Variants in RBFOX1 observed in about 807,000 individuals in gnomAD.
The protein encoded by RBFOX1 is RNA binding fox-1 homolog 1.
A neutral mutation model predicts 57.7 loss-of-function variants in RBFOX1; 8 were observed. That is an observed-to-expected ratio of 0.14 (90% CI 0.08 to 0.25). RBFOX1 has a LOEUF of 0.25. RBFOX1 is among the 10% of genes least tolerant of loss of function. RBFOX1 has a pLI of 1.00. For synonymous variants in RBFOX1, 326 were observed against 222.4 expected, an observed-to-expected ratio of 1.47 and a Z score of -4.15; for missense variants, 611 against 548.5, an observed-to-expected ratio of 1.11 and a Z score of -1.14.
At chr16:7,035,095 G>T (rs774615064) in intron 3 of RBFOX1, among the ~76,000 whole-genome samples, 2 of 151,744 alleles carry the variant, frequency 1.3e-5, no homozygotes, top group East Asian at 3.9e-4. Context: ...TGATCCACCC[G>T]TCTTGGCCTC....
intron 1 of RBFOX1, among the ~76,000 whole-genome samples, chr16:6,102,485 TC>T (rs1231723128): frequency 1.3e-5 from 2 of 152,144 alleles, no homozygotes; most frequent in Admixed American, 1.3e-4. Context: ...GCTGAGGACA[TC>T]TTTCTCTGCA....
At chr16:5,585,040 T>A (rs905869902) in intron 2 of RBFOX1, among the ~76,000 whole-genome samples, 1 of 152,150 alleles carries the variant, frequency 6.6e-6, no homozygotes, top group Non-Finnish European at 1.5e-5. Flanking sequence ...AATTAACCAT[T>A]TTGGAGTTAA....
rs776254722 is a variant in RBFOX1, at chr16:5,871,012, C to T, written c.351+3677C>T. 7.0e-4 allele frequency among the ~76,000 whole-genome samples: 106 copies of T among 152,318 alleles called. 1 individual carries two copies. The highest frequency in any genetic ancestry group is 3.4e-3 in the Middle Eastern group (1 of 294). ...ATGAGTGGCTTTGCCAGTTCCCTTT[C>T]TCTCTGCAGATTGACAGTGAATATG... On this transcript the variant is annotated intron_variant, in intron 4 of 19. Transcript: ENST00000641259.
At chr16:7,444,888 A>G (rs2098796470) in intron 4 of RBFOX1, among the ~76,000 whole-genome samples, 1 of 152,190 alleles carries the variant, frequency 6.6e-6, no homozygotes, top group Non-Finnish European at 1.5e-5. Context: ...ATGCAGATAG[A>G]TAGACAGTTA....
intron 3 of RBFOX1, among the ~76,000 whole-genome samples, chr16:6,785,109 T>G (rs2081707387): frequency 6.6e-6 from 1 of 152,126 alleles, no homozygotes; most frequent in Admixed American, 6.5e-5. Context: ...TCATGGTTCC[T>G]TCCAAAAATA....
chr16:6,312,645 GTTCCTTCT>G (rs1436030941), intron 1 of RBFOX1, among the ~76,000 whole-genome samples: 7 of 147,652 alleles, frequency 4.7e-5, no homozygotes, highest in Non-Finnish European at 1.0e-4. Flanking sequence ...TAAGCCGATA[GTTCCTTCT>G]TTCCTTCCTT....
At chr16:6,130,880 T>C (rs1597600269) in intron 1 of RBFOX1, among the ~76,000 whole-genome samples, 2 of 152,056 alleles carry the variant, frequency 1.3e-5, no homozygotes, top group African/African-American at 4.8e-5. Flanking sequence ...CAAGCAGAAG[T>C]TGACAAAACT....
At chr16:5,697,230 G>C (rs2050872178) in intron 3 of RBFOX1, among the ~76,000 whole-genome samples, 1 of 152,020 alleles carries the variant, frequency 6.6e-6, no homozygotes, top group South Asian at 2.1e-4. Context: ...GATCTTCTTA[G>C]ATGTTCTATT....
intron 2 of RBFOX1, among the ~76,000 whole-genome samples, chr16:6,537,703 G>A (rs1209765328): frequency 1.3e-5 from 2 of 152,090 alleles, no homozygotes; most frequent in Admixed American, 1.3e-4. Flanking sequence ...AATATTAATT[G>A]AGTTCCTTAG....
intron 4 of RBFOX1, among the ~76,000 whole-genome samples, chr16:5,984,791 C>G (rs1298464617): frequency 2.0e-5 from 3 of 151,742 alleles, no homozygotes; most frequent in Non-Finnish European, 4.4e-5. Context: ...GCCTTTTGCT[C>G]CTAGGCTACA....
At position 5,288,994 on chromosome 16, in the gene RBFOX1, G is replaced by A. The variant is rs74822632; in HGVS notation, c.219+48889G>A. Among the ~76,000 whole-genome samples, 2,183 of 151,854 alleles carry A rather than the reference G, an allele frequency of 0.014. 115 individuals carry two copies. The East Asian group carries it at 0.19, about 13-fold the overall frequency. On this transcript the variant is annotated intron_variant, in intron 1 of 2. Transcript: ENST00000585867. Reference sequence around the variant, plus strand: ...AAAAAAATTAGCTGGGCATGGTGGCGCACGCCTGTAGTCCCACCTACTCGG... The same window carrying A: ...AAAAAAATTAGCTGGGCATGGTGGCACACGCCTGTAGTCCCACCTACTCGG...
intron 5 of RBFOX1, 21 bp downstream of exon 5, chr16:7,518,410 C>G (rs55642412): frequency 1.9e-6 from 3 of 1,596,206 alleles, no homozygotes; most frequent in Non-Finnish European, 2.6e-6. Flanking sequence ...GTGTTTGCTA[C>G]GGGTGGGAGG....
intron 4 of RBFOX1, among the ~76,000 whole-genome samples, chr16:7,388,303 T>C (rs1261755920): frequency 6.6e-6 from 1 of 152,186 alleles, no homozygotes; most frequent in Non-Finnish European, 1.5e-5. Context: ...CATTGCTTTC[T>C]GGGGAAATTC....
chr16:7,150,261 C>T (rs530849864), intron 4 of RBFOX1, among the ~76,000 whole-genome samples: 1 of 152,308 alleles, frequency 6.6e-6, no homozygotes, highest in South Asian at 2.1e-4. Flanking sequence ...GAGACGCCTC[C>T]ACCTATCTGT....
chr16:7,634,655 C>A (rs150690487), intron 11 of RBFOX1, among the ~76,000 whole-genome samples: 1 of 152,278 alleles, frequency 6.6e-6, no homozygotes, highest in African/African-American at 2.4e-5. Context: ...TCACTGATAA[C>A]TTTGTGTCCA....
chr16:6,555,798 A>G (rs755166372), intron 2 of RBFOX1, among the ~76,000 whole-genome samples: 4 of 152,166 alleles, frequency 2.6e-5, no homozygotes, highest in Non-Finnish European at 4.4e-5. Flanking sequence ...AGTTGCATTG[A>G]CATTTAGGCA....
At chr16:7,009,876 T>C (rs1288984591) in intron 3 of RBFOX1, among the ~76,000 whole-genome samples, 2 of 152,202 alleles carry the variant, frequency 1.3e-5, no homozygotes, top group Admixed American at 1.3e-4. Context: ...ATTCCTGGGC[T>C]ATTTTGGTGC....
intron 13 of RBFOX1, among the ~76,000 whole-genome samples, chr16:7,665,540 A>G (rs189055920): frequency 7.6e-4 from 115 of 152,202 alleles, no homozygotes; most frequent in Admixed American, 2.9e-3. Context: ...TCCCCCAATT[A>G]CCTGACTTAA....
At position 7,254,607 on chromosome 16, in the gene RBFOX1, G is replaced by A. The variant is rs146626502; in HGVS notation, c.27+202509G>A. On this transcript the variant is annotated intron_variant, in intron 4 of 15. Transcript: ENST00000550418. ...ACCTCCCAGGTATATAATCCTCTCT[G>A]TTGCTACTTAAAAGAGGAAAAATTT... Among the ~76,000 whole-genome samples, 813 of 151,906 alleles carry A rather than the reference G, an allele frequency of 5.4e-3. 10 individuals are homozygous for A. Among genetic ancestry groups the A allele is most frequent in the African/African-American group, 0.018 (756 of 41,392 alleles).
Sources: allele counts gnomAD v4.1 joint callset (sites outside exome capture counted in the v4.1 genomes callset), GRCh38; gene constraint gnomAD v4.1.1; transcripts MANE v1.5; gene names NCBI Gene and HGNC (gene_info 2026-07-23, HGNC 2026-07-21).